Variants in SMARCAD1 observed in about 807,000 individuals in gnomAD.
The protein encoded by SMARCAD1 is SWI/SNF-related matrix-associated actin-dependent regulator of chromatin subfamily A containing DEAD/H box 1.
In SMARCAD1, 25 loss-of-function variants were observed where a neutral mutation model predicts 127.1. The ratio of observed to expected loss-of-function variants is 0.20; its 90% CI spans 0.14 to 0.27. SMARCAD1 has a LOEUF of 0.27. Ranked by LOEUF, SMARCAD1 falls within the 10% of genes least tolerant of loss-of-function variation. SMARCAD1 has a pLI of 1.00. For missense variants in SMARCAD1, 807 were observed against 1,206.0 expected (o/e 0.67, Z 4.90); for synonymous variants, 400 against 396.9 (o/e 1.01, Z -0.09).
intron 14 of SMARCAD1, 113 bp downstream of exon 14, chr4:94,275,078 G>A: frequency 1.3e-6 from 1 of 790,532 alleles, no homozygotes; most frequent in Admixed American, 2.0e-5. Flanking sequence ...TGATACGAAA[G>A]TAATAGAATG....
intron 9 of SMARCAD1, among the ~76,000 whole-genome samples, chr4:94,264,176 T>TA (rs1467082389): frequency 6.6e-6 from 1 of 151,840 alleles, no homozygotes. Context: ...GACAAATAAT[T>TA]AGAGTTTTGA....
intron 23 of SMARCAD1, among the ~76,000 whole-genome samples, chr4:94,288,527 G>C (rs1244157441): frequency 6.6e-6 from 1 of 152,010 alleles, no homozygotes; most frequent in Non-Finnish European, 1.5e-5. Context: ...CCTAAGAGTT[G>C]ATGTACTATT....
At chr4:94,209,665 G>T (rs1365818267) in intron 2 of SMARCAD1, among the ~76,000 whole-genome samples, 1 of 152,124 alleles carries the variant, frequency 6.6e-6, no homozygotes, top group African/African-American at 2.4e-5. Context: ...AAATACTTTG[G>T]TGTAATTGGA....
intron 4 of SMARCAD1, 126 bp downstream of exon 4, chr4:94,234,248 C>A (rs1467139299): frequency 4.6e-6 from 4 of 864,682 alleles, no homozygotes; most frequent in Non-Finnish European, 7.1e-6. Context: ...ACTATTAAAT[C>A]TAAAGGAAGT....
At chr4:94,240,730 G>A (rs1240624002) in intron 5 of SMARCAD1, among the ~76,000 whole-genome samples, 176 bp from the exon 6 acceptor site, 2 of 152,132 alleles carry the variant, frequency 1.3e-5, no homozygotes, top group African/African-American at 4.8e-5. Flanking sequence ...CTGAAAGACT[G>A]CAAAGAATGT....
At position 94,276,382 on chromosome 4, in the gene SMARCAD1, C is replaced by T; in HGVS notation, c.1852C>T (p.Arg618Ter). The T allele has an allele frequency of 6.2e-7, 1 of 1,614,074 alleles. No homozygotes were observed. Among genetic ancestry groups the T allele is most frequent in the Non-Finnish European group, 8.5e-7 (1 of 1,180,018 alleles). ...ISSSDDRSLF[R>*]RLKLNYAIFD... ...CAGTTCTGATGACCGTAGTCTGTTT[C>T]GACGGCTGAAACTTAATTACGCAAT... Residue 618 changes from arginine to a stop codon, truncating the protein, a stop_gained, in exon 15 of 24, where the codon CGA becomes TGA. Coordinates refer to ENST00000354268, the MANE Select transcript of SMARCAD1 (RefSeq NM_020159.5). LOFTEE classifies it high-confidence loss of function.
At chr4:94,283,496 AC>A (rs1754394672) in intron 22 of SMARCAD1, among the ~76,000 whole-genome samples, 193 bp downstream of exon 22, 1 of 152,138 alleles carries the variant, frequency 6.6e-6, no homozygotes, top group African/African-American at 2.4e-5. Flanking sequence ...GTAATTATCC[AC>A]CCACATTCCA....
chr4:94,220,118 C>T (rs1304920906), intron 2 of SMARCAD1, among the ~76,000 whole-genome samples: 2 of 152,162 alleles, frequency 1.3e-5, no homozygotes, highest in African/African-American at 4.8e-5. Context: ...TGGCTGTTAG[C>T]TATTTTGCTG....
rs577089635 is a variant in SMARCAD1 at position 94,251,875 on chromosome 4, G to A, written c.890-741G>A. On this transcript the variant is annotated intron_variant, in intron 8 of 23. Transcript: ENST00000354268. Reference sequence around the variant, plus strand: ...TTTTATTTTTTATTTTTTTTGAGACGGAGTCTTGCTCTGTCGCCCAGGCTG... The same window carrying A: ...TTTTATTTTTTATTTTTTTTGAGACAGAGTCTTGCTCTGTCGCCCAGGCTG... 6.6e-5 allele frequency among the ~76,000 whole-genome samples: 10 copies of A among 151,328 alleles called. No individual in the cohort carries two copies. The East Asian group carries it at 1.9e-3, about 29-fold the overall frequency.
intron 9 of SMARCAD1, among the ~76,000 whole-genome samples, chr4:94,261,918 G>GT (rs1488674430): frequency 1.3e-5 from 2 of 152,122 alleles, no homozygotes; most frequent in African/African-American, 4.8e-5. Flanking sequence ...CCAGTTTATT[G>GT]TTTTTTGGCA....
At chr4:94,276,709 T>G (rs551269444) in intron 15 of SMARCAD1, among the ~76,000 whole-genome samples, 4 of 151,864 alleles carry the variant, frequency 2.6e-5, no homozygotes, top group African/African-American at 9.6e-5. Context: ...TAAAAAATTA[T>G]TAGGTCATAA....
intron 2 of SMARCAD1, chr4:94,213,299 A>G (rs1301539308): frequency 1.4e-5 from 5 of 349,048 alleles, no homozygotes; most frequent in Non-Finnish European, 2.2e-5. Context: ...TCACAGAGAT[A>G]TGACCTTTGG....
chr4:94,279,439 C>G (rs1236148456), intron 19 of SMARCAD1, among the ~76,000 whole-genome samples: 4 of 152,162 alleles, frequency 2.6e-5, no homozygotes, highest in Non-Finnish European at 5.9e-5. Flanking sequence ...TGCACTGAAA[C>G]ACGAAAAACA....
At chr4:94,282,378 G>A (rs2126003734) in intron 21 of SMARCAD1, among the ~76,000 whole-genome samples, 1 of 151,800 alleles carries the variant, frequency 6.6e-6, no homozygotes, top group East Asian at 2.0e-4. Flanking sequence ...TTACAGGCGT[G>A]AGCCACCGCG....
At chr4:94,246,908 CTTGA>C (rs1027487240) in intron 6 of SMARCAD1, among the ~76,000 whole-genome samples, 2 of 152,198 alleles carry the variant, frequency 1.3e-5, no homozygotes, top group African/African-American at 4.8e-5. Context: ...AAAGCAAGTA[CTTGA>C]TTGATAACTG....
rs764279551 is a variant in SMARCAD1, at chr4:94,290,928, ATTAT to A, written c.*1398_*1401del. 5.7e-5 allele frequency: 26 copies of A among 453,662 alleles called. No homozygotes were observed. Among genetic ancestry groups the A allele is most frequent in the Non-Finnish European group, 1.1e-4 (24 of 226,578 alleles). The allele number at this position is 453,662 out of a possible 1,614,324, so 28.1% of individuals were successfully genotyped here. On this transcript the variant is annotated 3_prime_UTR_variant, in exon 24 of 24. Transcript: ENST00000354268. ...GAAGGCAAATAAAACTCTTACAGTG[ATTAT>A]TTAGATATTAAAGACTGAGAACTCA...
chr4:94,270,597 T>C (rs1039163266), intron 10 of SMARCAD1, 131 bp from the exon 11 acceptor site: 1 of 710,880 alleles, frequency 1.4e-6, no homozygotes, highest in Admixed American at 2.1e-5. Context: ...TTTAAGTAGG[T>C]GTACATAGCA....
chr4:94,226,434 G>A (rs1745014560), intron 3 of SMARCAD1, 138 bp downstream of exon 3: 1 of 611,498 alleles, frequency 1.6e-6, no homozygotes, highest in Admixed American at 3.2e-5. Context: ...GCCTTTCTTG[G>A]CCACATCTTG....
At chr4:94,232,467 G>A (rs778380752) in intron 3 of SMARCAD1, among the ~76,000 whole-genome samples, 2 of 152,110 alleles carry the variant, frequency 1.3e-5, no homozygotes, top group Non-Finnish European at 2.9e-5. Flanking sequence ...ATATAGAGAG[G>A]CATAATGAAA....
Sources: allele counts gnomAD v4.1 joint callset (sites outside exome capture counted in the v4.1 genomes callset), GRCh38; gene constraint gnomAD v4.1.1; transcripts MANE v1.5; gene names NCBI Gene and HGNC (gene_info 2026-07-23, HGNC 2026-07-21).